CNTNAP5: variants seen among roughly 807,000 people sequenced by gnomAD.
CNTNAP5 encodes contactin associated protein family member 5, also known as contactin-associated protein-like 5.
A neutral mutation model predicts 150.2 loss-of-function variants in CNTNAP5; 72 were observed. That is an observed-to-expected ratio of 0.48 (90% CI 0.40 to 0.58). CNTNAP5 has a LOEUF of 0.58. Among genes scored for constraint, CNTNAP5 ranks in the 20% least tolerant of loss-of-function variants. The pLI is 0.00. For missense variants in CNTNAP5, 1,636 were observed against 1,626.2 expected (o/e 1.01, Z -0.10); for synonymous variants, 672 against 619.8 (o/e 1.08, Z -1.25).
At chr2:124,574,093 T>C (rs1355649291) in intron 11 of CNTNAP5, among the ~76,000 whole-genome samples, 1 of 152,202 alleles carries the variant, frequency 6.6e-6, no homozygotes, top group African/African-American at 2.4e-5. Context: ...TTTTTTATAC[T>C]ATAGACTACC....
At chr2:124,771,472 G>T (rs1299284296) in intron 16 of CNTNAP5, among the ~76,000 whole-genome samples, 2 of 152,132 alleles carry the variant, frequency 1.3e-5, no homozygotes, top group African/African-American at 4.8e-5. Flanking sequence ...GACACTTGCA[G>T]CAAATTATTT....
At chr2:124,874,845 G>A (rs922759934) in intron 21 of CNTNAP5, among the ~76,000 whole-genome samples, 8 of 151,940 alleles carry the variant, frequency 5.3e-5, no homozygotes, top group Non-Finnish European at 8.8e-5. Context: ...TGCAGCCAAC[G>A]TTTGTTAATC....
chr2:124,568,812 G>A (rs1290775611), intron 11 of CNTNAP5, among the ~76,000 whole-genome samples: 3 of 152,140 alleles, frequency 2.0e-5, no homozygotes, highest in Middle Eastern at 3.2e-3. Context: ...TTGGGAGGCC[G>A]AGGCGGGCAG....
At chr2:124,447,432 A>G (rs868142086) in intron 6 of CNTNAP5, among the ~76,000 whole-genome samples, 1 of 152,330 alleles carries the variant, frequency 6.6e-6, no homozygotes, top group African/African-American at 2.4e-5. Context: ...GAAGAGGTAC[A>G]GTGAAATGAA....
intron 10 of CNTNAP5, among the ~76,000 whole-genome samples, chr2:124,554,184 T>C (rs1695698939): frequency 6.6e-6 from 1 of 152,166 alleles, no homozygotes; most frequent in African/African-American, 2.4e-5. Context: ...CCTTTGGAAA[T>C]GTTTAATCCT....
At chr2:124,350,370 A>T (rs977913879) in intron 3 of CNTNAP5, among the ~76,000 whole-genome samples, 1 of 151,846 alleles carries the variant, frequency 6.6e-6, no homozygotes, top group Admixed American at 6.6e-5. Flanking sequence ...ATGCTAAAAT[A>T]TTCATTATAT....
At chr2:124,664,006 C>T (rs972317995) in intron 13 of CNTNAP5, among the ~76,000 whole-genome samples, 2 of 152,110 alleles carry the variant, frequency 1.3e-5, no homozygotes, top group Admixed American at 6.5e-5. Flanking sequence ...TTTTCAAAAA[C>T]AGTAACTGGG....
intron 3 of CNTNAP5, among the ~76,000 whole-genome samples, chr2:124,318,809 A>G (rs1355239590): frequency 6.6e-6 from 1 of 151,378 alleles, no homozygotes; most frequent in Non-Finnish European, 1.5e-5. Context: ...TCAGTCTTCC[A>G]TCTCTATCTC....
At chr2:124,045,987 T>G (rs972718800) in intron 1 of CNTNAP5, among the ~76,000 whole-genome samples, 1 of 152,168 alleles carries the variant, frequency 6.6e-6, no homozygotes, top group Non-Finnish European at 1.5e-5. Flanking sequence ...GGTATTTATA[T>G]TTCACCCAAT....
At chr2:124,488,860 G>A (rs1693952915) in intron 7 of CNTNAP5, among the ~76,000 whole-genome samples, 1 of 152,210 alleles carries the variant, frequency 6.6e-6, no homozygotes, top group Non-Finnish European at 1.5e-5. Context: ...TAAGAGATCT[G>A]TTGCACAGTC....
intron 19 of CNTNAP5, among the ~76,000 whole-genome samples, chr2:124,816,152 T>TA (rs1451987471): frequency 6.6e-6 from 1 of 152,192 alleles, no homozygotes; most frequent in Non-Finnish European, 1.5e-5. Flanking sequence ...TGTTGAGTAA[T>TA]ACTTCTACAA....
At chr2:124,297,883 T>G (rs1688481273) in intron 3 of CNTNAP5, among the ~76,000 whole-genome samples, 1 of 150,724 alleles carries the variant, frequency 6.6e-6, no homozygotes, top group Non-Finnish European at 1.5e-5. Flanking sequence ...CTCACTCTGT[T>G]GCCCAGGCTG....
intron 3 of CNTNAP5, among the ~76,000 whole-genome samples, chr2:124,365,333 A>C (rs145300865): frequency 2.1e-4 from 32 of 152,118 alleles, no homozygotes; most frequent in African/African-American, 6.5e-4. Flanking sequence ...GGAAAAAAAA[A>C]AAAAAAGGAT....
chr2:124,909,473 T>G lies in CNTNAP5; in HGVS notation c.3656-1994T>G, dbSNP rs149628266. Among the ~76,000 whole-genome samples the G allele has an allele frequency of 9.9e-5, 15 of 152,184 alleles. No individual in the cohort carries two copies. In the East Asian group the frequency reaches 2.9e-3, roughly 30 times the overall value. ...CTAATGACACATTTCTCAGAATATATTCTCACCATTAAGCTACACATGACT... is the reference window on the plus strand; with the variant it reads ...CTAATGACACATTTCTCAGAATATAGTCTCACCATTAAGCTACACATGACT... On this transcript the variant is annotated intron_variant, in intron 22 of 23. Coordinates refer to ENST00000682447, the MANE Select transcript of CNTNAP5 (RefSeq NM_001367498.1).
intron 10 of CNTNAP5, among the ~76,000 whole-genome samples, chr2:124,549,265 G>T (rs920932262): frequency 5.4e-4 from 83 of 152,310 alleles, no homozygotes; most frequent in African/African-American, 1.9e-3. Context: ...GACAGTGGTA[G>T]TCTCCATTGG....
At chr2:124,501,861 C>T (rs1422240518) in intron 7 of CNTNAP5, among the ~76,000 whole-genome samples, 2 of 152,082 alleles carry the variant, frequency 1.3e-5, no homozygotes, top group African/African-American at 4.8e-5. Flanking sequence ...TCCCATCCAC[C>T]CACATATTTT....
At chr2:124,212,726 C>T (rs998553987) in intron 1 of CNTNAP5, among the ~76,000 whole-genome samples, 3 of 151,770 alleles carry the variant, frequency 2.0e-5, no homozygotes, top group South Asian at 4.2e-4. Context: ...AGGTCACTTA[C>T]TCCTGAACTT....
At chr2:124,554,863 C>G (rs1269949889) in intron 10 of CNTNAP5, among the ~76,000 whole-genome samples, 1 of 151,994 alleles carries the variant, frequency 6.6e-6, no homozygotes, top group African/African-American at 2.4e-5. Flanking sequence ...CTAGAGCTGG[C>G]CAATTCAAAA....
intron 1 of CNTNAP5, among the ~76,000 whole-genome samples, chr2:124,186,044 C>G (rs569003306): frequency 1.3e-5 from 2 of 152,330 alleles, no homozygotes; most frequent in African/African-American, 4.8e-5. Context: ...GGTAACCATG[C>G]CAACAAGTAT....
Sources: allele counts gnomAD v4.1 joint callset (sites outside exome capture counted in the v4.1 genomes callset), GRCh38; gene constraint gnomAD v4.1.1; transcripts MANE v1.5; gene names NCBI Gene and HGNC (gene_info 2026-07-23, HGNC 2026-07-21).